KCNH1: variants seen among roughly 807,000 people sequenced by gnomAD.
KCNH1 encodes potassium voltage-gated channel subfamily H member 1, also known as voltage-gated delayed rectifier potassium channel KCNH1.
In KCNH1, 27 loss-of-function variants were observed where a neutral mutation model predicts 69.2. The observed-to-expected ratio is 0.39, with a 90% CI of 0.29 to 0.54. The LOEUF is 0.54. Among genes scored for constraint, KCNH1 ranks in the 20% least tolerant of loss-of-function variants. The pLI, the probability that KCNH1 is intolerant of heterozygous loss-of-function variation, is 0.68. For missense variants in KCNH1, 798 were observed against 1,261.6 expected (o/e 0.63, Z 5.57); for synonymous variants, 456 against 487.7 (o/e 0.93, Z 0.86).
At chr1:210,807,639 T>A (rs953627656) in intron 7 of KCNH1, among the ~76,000 whole-genome samples, 2 of 151,040 alleles carry the variant, frequency 1.3e-5, no homozygotes, top group African/African-American at 4.9e-5. Context: ...AAATAAATAA[T>A]AATAATAATA....
intron 7 of KCNH1, among the ~76,000 whole-genome samples, chr1:210,835,846 T>C (rs570825194): frequency 6.6e-6 from 1 of 152,170 alleles, no homozygotes; most frequent in African/African-American, 2.4e-5. Context: ...ACTTGATTTC[T>C]AGGCCTGGCA....
chr1:210,943,861 G>A (rs1368547495), intron 6 of KCNH1, among the ~76,000 whole-genome samples: 1 of 152,192 alleles, frequency 6.6e-6, no homozygotes, highest in Non-Finnish European at 1.5e-5. Context: ...GCAGAATGGT[G>A]TCCTGGGACT....
chr1:210,781,396 G>A (rs1683981134), intron 9 of KCNH1, among the ~76,000 whole-genome samples: 1 of 152,080 alleles, frequency 6.6e-6, no homozygotes, highest in Admixed American at 6.5e-5. Flanking sequence ...CTTCCCTAGG[G>A]TATCAGGAAG....
chr1:210,809,016 C>A (rs1441179056), intron 7 of KCNH1, among the ~76,000 whole-genome samples: 3 of 152,100 alleles, frequency 2.0e-5, no homozygotes, highest in Non-Finnish European at 4.4e-5. Flanking sequence ...AACCTCAAGG[C>A]AAAATGCTGA....
chr1:210,824,593 T>C (rs967361793), intron 7 of KCNH1, among the ~76,000 whole-genome samples: 2 of 152,176 alleles, frequency 1.3e-5, no homozygotes, highest in African/African-American at 4.8e-5. Context: ...CAATCTAATG[T>C]GACATGTTGT....
At chr1:211,030,804 A>G (rs1401024454) in intron 5 of KCNH1, among the ~76,000 whole-genome samples, 2 of 152,176 alleles carry the variant, frequency 1.3e-5, no homozygotes, top group South Asian at 2.1e-4. Flanking sequence ...GGATGAAATG[A>G]AAATCTATGA....
intron 7 of KCNH1, among the ~76,000 whole-genome samples, chr1:210,875,733 G>T (rs1004041723): frequency 3.3e-5 from 5 of 151,760 alleles, no homozygotes; most frequent in Non-Finnish European, 7.4e-5. Flanking sequence ...AATCCAGGAG[G>T]TGGAGGTTGC....
chr1:210,861,510 A>G, intron 7 of KCNH1: 1 of 773,916 alleles, frequency 1.3e-6, no homozygotes, highest in Non-Finnish European at 2.4e-6. Context: ...CATTTCCATT[A>G]TGATAACTCA....
At chr1:210,906,193 G>C (rs537938976) in intron 7 of KCNH1, among the ~76,000 whole-genome samples, 1 of 152,290 alleles carries the variant, frequency 6.6e-6, no homozygotes, top group Admixed American at 6.5e-5. Flanking sequence ...CTCAAGCCTC[G>C]TGCTCGGCTT....
At chr1:210,708,741 G>A (rs781071330) in intron 10 of KCNH1, among the ~76,000 whole-genome samples, 11 of 152,118 alleles carry the variant, frequency 7.2e-5, no homozygotes, top group Non-Finnish European at 1.5e-4. Context: ...TTCCTGCTAG[G>A]ACAGTAAGTG....
chr1:210,963,372 C>T (rs1688334519), intron 6 of KCNH1, among the ~76,000 whole-genome samples: 2 of 132,684 alleles, frequency 1.5e-5, no homozygotes, highest in Admixed American at 1.5e-4. Flanking sequence ...AAGCAGAATG[C>T]CTCTTCTCCT....
intron 6 of KCNH1, among the ~76,000 whole-genome samples, chr1:210,977,318 T>C (rs2102373773): frequency 6.6e-6 from 1 of 152,062 alleles, no homozygotes; most frequent in Non-Finnish European, 1.5e-5. Context: ...TGGGGAGGGA[T>C]AGCATTAGGA....
chr1:211,078,867 G>A (rs1426539003), intron 5 of KCNH1, among the ~76,000 whole-genome samples: 6 of 135,630 alleles, frequency 4.4e-5, no homozygotes, highest in East Asian at 2.2e-4. Context: ...ACAGTGAGCC[G>A]AGATCACACC....
At chr1:210,865,171 C>A (rs191504944) in intron 7 of KCNH1, among the ~76,000 whole-genome samples, 4 of 152,122 alleles carry the variant, frequency 2.6e-5, no homozygotes, top group African/African-American at 7.2e-5. Flanking sequence ...CTGGAATATA[C>A]AATCTGCTTC....
intron 6 of KCNH1, among the ~76,000 whole-genome samples, chr1:210,951,415 A>G (rs1418376692): frequency 6.6e-6 from 1 of 152,236 alleles, no homozygotes; most frequent in Non-Finnish European, 1.5e-5. Context: ...CTTTAGGAGC[A>G]TTTGAACCTG....
chr1:211,021,951 C>T (rs972570024), intron 5 of KCNH1, among the ~76,000 whole-genome samples: 6 of 152,130 alleles, frequency 3.9e-5, no homozygotes, highest in African/African-American at 1.4e-4. Flanking sequence ...CAATGACAAT[C>T]TTCACAGAAA....
chr1:211,094,713 A>G (rs1691115061), intron 3 of KCNH1, among the ~76,000 whole-genome samples: 1 of 152,218 alleles, frequency 6.6e-6, no homozygotes, highest in Non-Finnish European at 1.5e-5. Flanking sequence ...ATTTAAAAAA[A>G]TAAATCCTAC....
chr1:211,050,378 A>G (rs545364462), intron 5 of KCNH1, among the ~76,000 whole-genome samples: 6 of 151,668 alleles, frequency 4.0e-5, no homozygotes, highest in Non-Finnish European at 8.8e-5. Context: ...TAGCTAAACA[A>G]CGTCTTAATT....
At chr1:210,872,727 T>C (rs1382657587) in intron 7 of KCNH1, among the ~76,000 whole-genome samples, 1 of 152,146 alleles carries the variant, frequency 6.6e-6, no homozygotes, top group East Asian at 1.9e-4. Context: ...TCACTCACTA[T>C]CATGAGAACA....
Sources: allele counts gnomAD v4.1 joint callset (sites outside exome capture counted in the v4.1 genomes callset), GRCh38; gene constraint gnomAD v4.1.1; transcripts MANE v1.5; gene names NCBI Gene and HGNC (gene_info 2026-07-23, HGNC 2026-07-21).